The following PHLDB2 variants were observed in gnomAD, a reference collection of about 807,000 sequenced individuals.
The protein encoded by PHLDB2 is pleckstrin homology-like domain family B member 2.
In PHLDB2, 71 loss-of-function variants were observed where a neutral mutation model predicts 123.6. That is an observed-to-expected ratio of 0.57 (90% CI 0.47 to 0.70). The LOEUF (loss-of-function observed/expected upper bound fraction) is 0.70, where lower values mean the gene tolerates loss of function less well. PHLDB2 is among the 30% of genes least tolerant of loss of function. The probability of loss-of-function intolerance (pLI) is 0.00; values close to 1 mark genes in which losing one functional copy is unlikely to be tolerated. For missense variants in PHLDB2, 1,446 were observed against 1,519.5 expected (o/e 0.95, Z 0.80); for synonymous variants, 547 against 541.6 (o/e 1.01, Z -0.14).
In PHLDB2 at chr3:111,936,791, CT is replaced by C. The variant is rs759166982; in HGVS notation, c.2131-2682del. On this transcript the variant is annotated intron_variant, in intron 6 of 17. Coordinates refer to ENST00000431670, the MANE Select transcript of PHLDB2 (RefSeq NM_001134438.2). ...GATTACTTATAAGCCAGAAAAAGGG[CT>C]TATTCCTTTTTTTTAAATCTCAGTA... Among the ~76,000 whole-genome samples, 78 of 152,162 alleles carry C rather than the reference CT, an allele frequency of 5.1e-4. 1 individual carries two copies. The highest frequency in any genetic ancestry group is 6.8e-3 in the Middle Eastern group (2 of 294).
In PHLDB2 at chr3:111,913,323, G is replaced by C. The variant is rs371913067; in HGVS notation, c.1340G>C (p.Arg447Thr). ...CCCCTCCTCCCTGTGTTCCAGGAGA[G>C]ACAGCGTCTGGAGACCATCCTCAGT... ...LREQEMERLERQRLETILSLC... is the reference protein window; with the variant it reads ...LREQEMERLETQRLETILSLC... The change falls in exon 3 of 18, where the codon AGA (arginine) becomes ACA (threonine). Residue 447 changes from arginine to threonine, a missense_variant. Arg to Thr is a moderately conservative substitution (Grantham distance 71). Coordinates refer to ENST00000431670, the MANE Select transcript of PHLDB2 (RefSeq NM_001134438.2). The C allele has an allele frequency of 6.3e-7, 1 of 1,588,106 alleles. No homozygotes were observed. Among genetic ancestry groups the C allele is most frequent in the African/African-American group, 1.3e-5 (1 of 74,184 alleles).
chr3:111,824,450 C>G (rs1172930593), intron 1 of PHLDB2, among the ~76,000 whole-genome samples: 1 of 152,140 alleles, frequency 6.6e-6, no homozygotes, highest in African/African-American at 2.4e-5. Flanking sequence ...GCCTGACTAG[C>G]CAAAGAGTTA....
At chr3:111,928,329 A>G (rs2107557963) in intron 5 of PHLDB2, among the ~76,000 whole-genome samples, 1 of 152,342 alleles carries the variant, frequency 6.6e-6, no homozygotes, top group East Asian at 1.9e-4. Context: ...CATTAGAAAA[A>G]TCAAATTGTA....
At chr3:111,763,192 A>G (rs1470813238) in intron 1 of PHLDB2, among the ~76,000 whole-genome samples, 1 of 152,240 alleles carries the variant, frequency 6.6e-6, no homozygotes, top group African/African-American at 2.4e-5. Context: ...ACTCCCTAGC[A>G]TTCTTCTCCC....
At chr3:111,851,194 TAAAA>T (rs11309576) in intron 2 of PHLDB2, among the ~76,000 whole-genome samples, 4 of 103,654 alleles carry the variant, frequency 3.9e-5, no homozygotes, top group Admixed American at 1.1e-4. Context: ...GATTCTGTCT[TAAAA>T]AAAAAAAAAA....
intron 2 of PHLDB2, among the ~76,000 whole-genome samples, chr3:111,905,917 T>C (rs2067500949): frequency 6.6e-6 from 1 of 152,262 alleles, no homozygotes; most frequent in South Asian, 2.1e-4. Flanking sequence ...ACTACCTTTG[T>C]ATATGTAGCA....
intron 1 of PHLDB2, among the ~76,000 whole-genome samples, chr3:111,819,477 C>T (rs1431453900): frequency 6.6e-6 from 1 of 152,278 alleles, no homozygotes; most frequent in Non-Finnish European, 1.5e-5. Flanking sequence ...CATGGCAAAG[C>T]CAGAGATATC....
rs770634980 is a variant in PHLDB2 at position 111,884,027 on chromosome 3, T to A, written c.-14-37T>A. 6.4e-6 allele frequency: 10 copies of A among 1,560,698 alleles called. No homozygotes were observed. The East Asian group carries it at 2.0e-4, about 32-fold the overall frequency. The stretch of plus-strand genomic sequence containing the variant: ...ACAAGGGATTGTTCTTTTAAAATCT[T>A]CTTTAAGGCAAAATTTTCTGTTTTA... On this transcript the variant is annotated intron_variant, in intron 1 of 17. Transcript: ENST00000431670.
chr3:111,771,228 G>A (rs77460458), intron 1 of PHLDB2, among the ~76,000 whole-genome samples: 7,681 of 152,284 alleles, frequency 0.05, 652 homozygotes, highest in African/African-American at 0.17. Context: ...TGTCAGCAGC[G>A]TTGGCTCCTT....
At chr3:111,861,798 A>G (rs2064846165) in intron 1 of PHLDB2, among the ~76,000 whole-genome samples, 1 of 152,236 alleles carries the variant, frequency 6.6e-6, no homozygotes. Flanking sequence ...CAAGAGAGGA[A>G]AAAATAAGCC....
Position 111,967,672 on chromosome 3 carries a change from GT to G in PHLDB2, c.3169-3del, listed in dbSNP as rs1559927570. The G allele has an allele frequency of 6.5e-7, 1 of 1,534,374 alleles. No individual in the cohort carries two copies. Among genetic ancestry groups the G allele is most frequent in the Non-Finnish European group, 8.8e-7 (1 of 1,133,874 alleles). The stretch of plus-strand genomic sequence containing the variant: ...TAAAATAATCATTGTTATGCATAAT[GT>G]TTAGGAACGGGAAATGGAAGCCAAA... On this transcript the variant is annotated splice_polypyrimidine_tract_variant and splice_region_variant and intron_variant, in intron 14 of 17. Transcript: ENST00000431670.
At chr3:111,906,378 C>T (rs150436116) in intron 2 of PHLDB2, among the ~76,000 whole-genome samples, 1 of 152,282 alleles carries the variant, frequency 6.6e-6, no homozygotes, top group Non-Finnish European at 1.5e-5. Context: ...AACTGAGACA[C>T]AAAGAAGCTA....
intron 6 of PHLDB2, among the ~76,000 whole-genome samples, chr3:111,935,846 G>C (rs1190589468): frequency 6.6e-6 from 1 of 152,050 alleles, no homozygotes; most frequent in Non-Finnish European, 1.5e-5. Context: ...CCAGCCCACC[G>C]ACTCAAATGT....
intron 13 of PHLDB2, among the ~76,000 whole-genome samples, chr3:111,963,882 A>G (rs758748951): frequency 1.3e-5 from 2 of 152,226 alleles, no homozygotes; most frequent in Non-Finnish European, 2.9e-5. Flanking sequence ...ACACATTCCA[A>G]ACATTGGTTC....
intron 2 of PHLDB2, among the ~76,000 whole-genome samples, chr3:111,905,390 A>G (rs115735220): frequency 0.014 from 2,111 of 152,152 alleles, 52 homozygotes; most frequent in African/African-American, 0.049. Context: ...ACAGTGTCTC[A>G]TTGTCACACA....
intron 2 of PHLDB2, among the ~76,000 whole-genome samples, chr3:111,908,505 G>A (rs1301534891): frequency 6.6e-6 from 1 of 152,190 alleles, no homozygotes; most frequent in Non-Finnish European, 1.5e-5. Flanking sequence ...TCCTGATGGA[G>A]CCAACACCTG....
chr3:111,767,857 C>G (rs2060109203), intron 1 of PHLDB2, among the ~76,000 whole-genome samples: 1 of 152,102 alleles, frequency 6.6e-6, no homozygotes, highest in African/African-American at 2.4e-5. Context: ...CTAAATTTGT[C>G]TATAGAGATG....
intron 1 of PHLDB2, among the ~76,000 whole-genome samples, chr3:111,774,796 C>G (rs922738541): frequency 6.6e-6 from 1 of 152,152 alleles, no homozygotes; most frequent in Non-Finnish European, 1.5e-5. Context: ...GAAATATTTT[C>G]ATGATCCAGC....
chr3:111,809,716 A>T (rs1360092583), intron 1 of PHLDB2, among the ~76,000 whole-genome samples: 1 of 152,256 alleles, frequency 6.6e-6, no homozygotes, highest in Non-Finnish European at 1.5e-5. Context: ...AAGAAATATG[A>T]ATCAATGAAA....
Sources: allele counts gnomAD v4.1 joint callset (sites outside exome capture counted in the v4.1 genomes callset), GRCh38; gene constraint gnomAD v4.1.1; transcripts MANE v1.5; gene names NCBI Gene and HGNC (gene_info 2026-07-23, HGNC 2026-07-21).